The following RGS8 variants were observed in gnomAD, a reference collection of about 807,000 sequenced individuals.
The protein encoded by RGS8 is regulator of G-protein signaling 8.
In RGS8, 8 loss-of-function variants were observed where a neutral mutation model predicts 21.7. The observed-to-expected ratio is 0.37, with a 90% CI of 0.22 to 0.66. RGS8 has a LOEUF of 0.66. Among genes scored for constraint, RGS8 ranks in the 30% least tolerant of loss-of-function variants. The pLI, the probability that RGS8 is intolerant of heterozygous loss-of-function variation, is 0.59. For missense variants in RGS8, 157 were observed against 217.9 expected, an observed-to-expected ratio of 0.72 and a Z score of 1.76; for synonymous variants, 80 against 83.6, an observed-to-expected ratio of 0.96 and a Z score of 0.24.
chr1:182,652,458 A>G (rs1663066378), intron 5 of RGS8, among the ~76,000 whole-genome samples: 3 of 152,244 alleles, frequency 2.0e-5, no homozygotes, highest in South Asian at 4.1e-4. Context: ...TTTACTTCTC[A>G]TCTTACAGAT....
intron 3 of RGS8, 87 bp downstream of exon 4, chr1:182,669,537 G>A: frequency 6.3e-7 from 1 of 1,595,570 alleles, no homozygotes; most frequent in South Asian, 1.1e-5. Flanking sequence ...CAGAAGGCTT[G>A]GGCCAGACTC....
At chr1:182,696,681 C>T in the RGS8 span, among the ~76,000 whole-genome samples, 3 of 152,200 alleles carry the variant, frequency 2.0e-5, no homozygotes, top group Non-Finnish European at 4.4e-5. Flanking sequence ...GATCTGGTGC[C>T]CTGATTTCAA....
chr1:182,656,878 C>T (rs1663305786), intron 5 of RGS8, among the ~76,000 whole-genome samples: 3 of 152,214 alleles, frequency 2.0e-5, no homozygotes, highest in Admixed American at 2.0e-4. Context: ...CACCCCTCCT[C>T]CTCTGCTCAC....
chr1:182,649,645 A>C (rs974853689), intron 5 of RGS8, among the ~76,000 whole-genome samples: 1 of 152,214 alleles, frequency 6.6e-6, no homozygotes. Flanking sequence ...TTACCATGTC[A>C]AGTTAGAAAG....
the RGS8 span, among the ~76,000 whole-genome samples, chr1:182,707,895 A>G: frequency 1.3e-5 from 2 of 152,122 alleles, no homozygotes; most frequent in East Asian, 1.9e-4. Context: ...TTTAGTAGAG[A>G]CAGGGTTTCA....
At chr1:182,701,908 G>A in the RGS8 span, among the ~76,000 whole-genome samples, 6 of 152,226 alleles carry the variant, frequency 3.9e-5, no homozygotes, top group African/African-American at 7.2e-5. Context: ...AAGTCAGAAC[G>A]GCTACTATTA....
the RGS8 span, among the ~76,000 whole-genome samples, chr1:182,690,788 C>T: frequency 6.6e-6 from 1 of 152,302 alleles, no homozygotes; most frequent in Non-Finnish European, 1.5e-5. Context: ...CTATCCATGA[C>T]CTCTCTATCC....
intron 3 of RGS8, among the ~76,000 whole-genome samples, chr1:182,669,147 G>T (rs1344317134): frequency 6.6e-6 from 1 of 152,206 alleles, no homozygotes; most frequent in Admixed American, 6.5e-5. Flanking sequence ...GGACAAAATG[G>T]TTTTTATTTT....
chr1:182,669,473 G>T, intron 3 of RGS8, 151 bp downstream of exon 4: 1 of 1,128,726 alleles, frequency 8.9e-7, no homozygotes, highest in Non-Finnish European at 1.3e-6. Context: ...CAAGAACCGT[G>T]CAGTTCACAC....
chr1:182,669,987 C>T (rs1664076943), intron 2 of RGS8, among the ~76,000 whole-genome samples: 2 of 152,346 alleles, frequency 1.3e-5, no homozygotes, highest in African/African-American at 4.8e-5. Context: ...CAACCACTGG[C>T]CATCAAATAT....
chr1:182,646,782 T>C, exon 7 of RGS8: 2 of 1,614,230 alleles, frequency 1.2e-6, no homozygotes, highest in Non-Finnish European at 1.7e-6. Context: ...AAGTACATTT[T>C]GGACCTCAGG....
upstream of RGS8, among the ~76,000 whole-genome samples, chr1:182,687,276 C>T (rs956171164): frequency 1.3e-5 from 2 of 152,146 alleles, no homozygotes; most frequent in Non-Finnish European, 2.9e-5. Context: ...CCTGGCCCCT[C>T]AAGGGATCCT....
At chr1:182,702,884 A>C in the RGS8 span, among the ~76,000 whole-genome samples, 1 of 152,234 alleles carries the variant, frequency 6.6e-6, no homozygotes, top group African/African-American at 2.4e-5. Flanking sequence ...TTCACAGCCC[A>C]TCTAACTGCA....
chr1:182,722,014 G>A, the RGS8 span, among the ~76,000 whole-genome samples: 3 of 152,138 alleles, frequency 2.0e-5, no homozygotes, highest in African/African-American at 7.2e-5. Flanking sequence ...AAAATCAAAC[G>A]TATCAGAATT....
the RGS8 span, among the ~76,000 whole-genome samples, chr1:182,710,317 C>T: frequency 6.6e-6 from 1 of 152,126 alleles, no homozygotes; most frequent in Non-Finnish European, 1.5e-5. Flanking sequence ...ACTCAAATGA[C>T]CCAATCACAT....
chr1:182,650,278 T>G (rs1027685203), intron 5 of RGS8, among the ~76,000 whole-genome samples: 1 of 152,356 alleles, frequency 6.6e-6, no homozygotes, highest in African/African-American at 2.4e-5. Flanking sequence ...ACCAGGACCG[T>G]GCACTGGCCA....
At chr1:182,739,274 G>A in the RGS8 span, among the ~76,000 whole-genome samples, 1 of 152,146 alleles carries the variant, frequency 6.6e-6, no homozygotes, top group Admixed American at 6.5e-5. Flanking sequence ...AGTGCTTAAC[G>A]TGAGAGAAAA....
At chr1:182,723,322 C>A in the RGS8 span, among the ~76,000 whole-genome samples, 1 of 152,182 alleles carries the variant, frequency 6.6e-6, no homozygotes, top group Non-Finnish European at 1.5e-5. Flanking sequence ...CAAGGCTCAA[C>A]TAGGGCTGGA....
At chr1:182,693,503 C>T in the RGS8 span, among the ~76,000 whole-genome samples, 8 of 152,316 alleles carry the variant, frequency 5.3e-5, no homozygotes, top group African/African-American at 1.9e-4. Flanking sequence ...GAAAAGGGAA[C>T]ACTTACACAC....
Sources: gnomAD v4.1 joint callset for allele counts (sites outside exome capture counted in the v4.1 genomes callset) on GRCh38, gnomAD v4.1.1 for gene constraint, MANE v1.5 for transcripts, NCBI Gene and HGNC (gene_info 2026-07-23, HGNC 2026-07-21) for gene names.